C12orf50: variants seen among roughly 807,000 people sequenced by gnomAD.
C12orf50 encodes the protein uncharacterized protein C12orf50.
In C12orf50, 35 loss-of-function variants were observed where a neutral mutation model predicts 61.6. The observed-to-expected ratio is 0.57, with a 90% CI of 0.43 to 0.75. C12orf50 has a LOEUF of 0.75. C12orf50 is among the 30% of genes least tolerant of loss of function. The probability of loss-of-function intolerance (pLI) is 0.00; values close to 1 mark genes in which losing one functional copy is unlikely to be tolerated. For missense variants in C12orf50, 475 were observed against 488.5 expected (o/e 0.97, Z 0.26); for synonymous variants, 178 against 161.5 (o/e 1.10, Z -0.77).
Position 88,027,061 on chromosome 12 carries a change from A to C in C12orf50, c.-99T>G. The stretch of plus-strand genomic sequence containing the variant: ...GCCTCTTCACAGTGTCGGAATCGGC[A>C]CTGGGAACCCTAAAAGAAAAAGTAA... On this transcript the variant is annotated 5_prime_UTR_variant, in exon 2 of 13. Transcript: ENST00000298699. 1 of 1,609,392 alleles carries C rather than the reference A, an allele frequency of 6.2e-7. No individual in the cohort carries two copies. Among genetic ancestry groups the C allele is most frequent in the Non-Finnish European group, 8.5e-7 (1 of 1,178,822 alleles).
rs894614805 is a variant in C12orf50, at chr12:87,986,303, A to T, written c.922+9T>A. On this transcript the variant is annotated intron_variant, in intron 10 of 12. Coordinates refer to ENST00000298699, the MANE Select transcript of C12orf50 (RefSeq NM_152589.3). ...CAATTTAGAAATATCAAATATATAG[A>T]CACCTTACCTCTCTGCATTCCAGAG... 3 of 1,538,724 alleles carry T rather than the reference A, an allele frequency of 1.9e-6. No individual in the cohort carries two copies. The African/African-American group carries it at 4.2e-5, about 22-fold the overall frequency.
At chr12:87,995,094 A>G (rs1197716330) in intron 6 of C12orf50, among the ~76,000 whole-genome samples, 1 of 152,156 alleles carries the variant, frequency 6.6e-6, no homozygotes, top group East Asian at 1.9e-4. Flanking sequence ...GAACAATCAG[A>G]TAAAAAGTAT....
At chr12:88,024,291 G>A (rs1045381028) in intron 3 of C12orf50, among the ~76,000 whole-genome samples, 1 of 152,074 alleles carries the variant, frequency 6.6e-6, no homozygotes, top group Non-Finnish European at 1.5e-5. Flanking sequence ...TATACACACA[G>A]GAATATAAAT....
intron 8 of C12orf50, among the ~76,000 whole-genome samples, chr12:87,988,923 A>G (rs1384212016): frequency 1.3e-5 from 2 of 152,118 alleles, no homozygotes; most frequent in Admixed American, 1.3e-4. Flanking sequence ...TTGAGATTAA[A>G]CTCTTCACAA....
At chr12:87,983,911 G>A (rs1363907055) in intron 11 of C12orf50, 4 of 108,006 alleles carry the variant, frequency 3.7e-5, no homozygotes, top group African/African-American at 1.0e-4. Context: ...ACCCAGTAAT[G>A]GGATGGCTGG....
At chr12:88,004,638 C>A (rs1304304247) in intron 3 of C12orf50, among the ~76,000 whole-genome samples, 2 of 152,132 alleles carry the variant, frequency 1.3e-5, no homozygotes, top group Non-Finnish European at 2.9e-5. Context: ...ACCTAAATGC[C>A]CAACAATGGT....
chr12:88,006,003 G>A lies in C12orf50; in HGVS notation c.134-7813C>T, dbSNP rs576574636. ...GCAATCTCGGCTCACTGCAAGCTCC[G>A]CCTCCCGGGTTCACGCCATTCTCCT... On this transcript the variant is annotated intron_variant, in intron 3 of 12. Coordinates refer to ENST00000298699, the MANE Select transcript of C12orf50 (RefSeq NM_152589.3). Among the ~76,000 whole-genome samples, 4 of 138,832 alleles carry A rather than the reference G, an allele frequency of 2.9e-5. No individual in the cohort carries two copies. In the South Asian group the frequency reaches 7.3e-4, roughly 25 times the overall value. The allele number at this position is 138,832 out of a possible 152,430, so 91.1% of individuals were successfully genotyped here. A position where few individuals can be genotyped will look rare whatever the true frequency, so the allele number is the denominator to read the frequency against.
At chr12:88,005,727 C>T (rs1430304084) in intron 3 of C12orf50, among the ~76,000 whole-genome samples, 1 of 151,630 alleles carries the variant, frequency 6.6e-6, no homozygotes, top group African/African-American at 2.4e-5. Flanking sequence ...GCAAGCTCCG[C>T]CTCCCCGGTT....
At chr12:88,008,993 A>T (rs2031996522) in intron 3 of C12orf50, among the ~76,000 whole-genome samples, 1 of 152,242 alleles carries the variant, frequency 6.6e-6, no homozygotes. Context: ...TCCTATTTTC[A>T]TCACTGTCTA....
chr12:87,992,778 T>G (rs973125671), intron 7 of C12orf50, among the ~76,000 whole-genome samples: 2 of 152,158 alleles, frequency 1.3e-5, no homozygotes, highest in Non-Finnish European at 2.9e-5. Flanking sequence ...AAGTAAAATT[T>G]TAACAAGCTA....
At chr12:87,990,702 G>A (rs1274808467) in intron 7 of C12orf50, among the ~76,000 whole-genome samples, 7 of 151,804 alleles carry the variant, frequency 4.6e-5, no homozygotes, top group Admixed American at 4.6e-4. Flanking sequence ...CATCATGTAA[G>A]GAAATAACAA....
At chr12:88,014,420 G>C (rs1196309309) in intron 3 of C12orf50, among the ~76,000 whole-genome samples, 2 of 152,074 alleles carry the variant, frequency 1.3e-5, no homozygotes, top group Non-Finnish European at 2.9e-5. Flanking sequence ...TCCTGCCTCA[G>C]CCTCCTGAGT....
At chr12:87,997,779 T>A (rs1051164626) in intron 4 of C12orf50, among the ~76,000 whole-genome samples, 1 of 152,234 alleles carries the variant, frequency 6.6e-6, no homozygotes, top group Non-Finnish European at 1.5e-5. Context: ...CCATGGTGTA[T>A]ATGAAGCACC....
Position 87,980,236 on chromosome 12 carries a change from C to G in C12orf50, c.*95G>C. 1.6e-6 allele frequency: 2 copies of G among 1,251,094 alleles called. No individual in the cohort carries two copies. The highest frequency in any genetic ancestry group is 2.3e-6 in the Non-Finnish European group (2 of 862,874). The allele number at this position is 1,251,094 out of a possible 1,614,324, so 77.5% of individuals were successfully genotyped here. ...GCTATCCACTACATAACATGGAGTA[C>G]TTGAGTATCTCATTCTTTGAATTTT... is the stretch of plus-strand genomic sequence containing the variant. On this transcript the variant is annotated 3_prime_UTR_variant, in exon 13 of 13. Transcript: ENST00000298699.
At chr12:88,027,630 G>GCTTAC (rs1333006119) in intron 1 of C12orf50, 1 of 152,030 alleles carries the variant, frequency 6.6e-6, no homozygotes, top group African/African-American at 2.4e-5. Flanking sequence ...TGTGCCTTTG[G>GCTTAC]CTTAGAAAGA....
intron 4 of C12orf50, among the ~76,000 whole-genome samples, chr12:87,997,347 A>G (rs1447402721): frequency 6.6e-6 from 1 of 152,128 alleles, no homozygotes; most frequent in Non-Finnish European, 1.5e-5. Flanking sequence ...AACATATATA[A>G]AAAACATAGC....
chr12:88,026,311 A>G (rs779980919), intron 3 of C12orf50, among the ~76,000 whole-genome samples, 177 bp downstream of exon 3: 6 of 152,198 alleles, frequency 3.9e-5, no homozygotes, highest in African/African-American at 1.2e-4. Flanking sequence ...CTTGTTAGTT[A>G]CTTAATGGTT....
At chr12:87,998,256 C>A (rs2031503708) in intron 3 of C12orf50, 66 bp from the exon 4 acceptor site, 2 of 1,239,314 alleles carry the variant, frequency 1.6e-6, no homozygotes, top group South Asian at 1.6e-5. Context: ...ATGTAACAAT[C>A]AATCATTGCC....
chr12:88,023,002 A>T (rs2032572241), intron 3 of C12orf50, among the ~76,000 whole-genome samples: 1 of 152,180 alleles, frequency 6.6e-6, no homozygotes, highest in Non-Finnish European at 1.5e-5. Flanking sequence ...TTAGAAAAAT[A>T]TATTTTAAAA....
Sources: allele counts gnomAD v4.1 joint callset (sites outside exome capture counted in the v4.1 genomes callset), GRCh38; gene constraint gnomAD v4.1.1; transcripts MANE v1.5; gene names NCBI Gene and HGNC (gene_info 2026-07-23, HGNC 2026-07-21).